Variants in ITGA1 observed in about 807,000 individuals in gnomAD.
ITGA1 encodes the protein integrin alpha-1.
A neutral mutation model predicts 145.9 loss-of-function variants in ITGA1; 85 were observed. The ratio of observed to expected loss-of-function variants is 0.58; its 90% CI spans 0.49 to 0.70. The LOEUF (loss-of-function observed/expected upper bound fraction) is 0.70. ITGA1 is among the 30% of genes least tolerant of loss of function. ITGA1 has a pLI of 0.00. For missense variants in ITGA1, 1,351 were observed against 1,418.7 expected, an observed-to-expected ratio of 0.95 and a Z score of 0.77; for synonymous variants, 520 against 495.3, an observed-to-expected ratio of 1.05 and a Z score of -0.66.
At chr5:52,853,413 T>C (rs1302127602) in intron 2 of ITGA1, among the ~76,000 whole-genome samples, 1 of 152,192 alleles carries the variant, frequency 6.6e-6, no homozygotes, top group African/African-American at 2.4e-5. Context: ...TGGATTTTGT[T>C]ATTTAATTAT....
intron 6 of ITGA1, among the ~76,000 whole-genome samples, chr5:52,870,459 G>A (rs1353790958): frequency 3.3e-5 from 5 of 152,112 alleles, no homozygotes; most frequent in African/African-American, 9.7e-5. Flanking sequence ...TGTAAGATTT[G>A]TAGAGAGGAT....
intron 27 of ITGA1, among the ~76,000 whole-genome samples, 156 bp downstream of exon 27, chr5:52,945,191 A>T (rs753774694): frequency 6.6e-6 from 1 of 152,184 alleles, no homozygotes; most frequent in African/African-American, 2.4e-5. Context: ...CATTAGCTTC[A>T]AATGTGATTT....
chr5:52,827,996 C>T (rs1748996554), intron 1 of ITGA1, among the ~76,000 whole-genome samples: 1 of 152,278 alleles, frequency 6.6e-6, no homozygotes, highest in East Asian at 1.9e-4. Context: ...TTTTTCATAG[C>T]TGAATAATAT....
chr5:52,848,653 G>T (rs1207374372), intron 1 of ITGA1, among the ~76,000 whole-genome samples: 2 of 151,938 alleles, frequency 1.3e-5, no homozygotes, highest in Non-Finnish European at 2.9e-5. Context: ...ATGTATACAT[G>T]TGCCATGTTG....
chr5:52,945,479 C>A (rs971494783), intron 27 of ITGA1, among the ~76,000 whole-genome samples: 18 of 152,084 alleles, frequency 1.2e-4, no homozygotes, highest in African/African-American at 4.3e-4. Context: ...TTTCAAATTT[C>A]ATTGAGAAAT....
intron 1 of ITGA1, among the ~76,000 whole-genome samples, chr5:52,822,187 C>T (rs1187798926): frequency 6.6e-6 from 1 of 152,096 alleles, no homozygotes; most frequent in Non-Finnish European, 1.5e-5. Flanking sequence ...TATGTCAATC[C>T]TTGAACAATA....
chr5:52,889,108 A>ATT (rs71614392), intron 8 of ITGA1, among the ~76,000 whole-genome samples: 2,256 of 110,996 alleles, frequency 0.02, 59 homozygotes, highest in African/African-American at 0.062. Flanking sequence ...ACTACTATCC[A>ATT]TTTTTTTTTT....
At chr5:52,868,551 C>A (rs1422541061) in intron 6 of ITGA1, among the ~76,000 whole-genome samples, 2 of 152,126 alleles carry the variant, frequency 1.3e-5, no homozygotes, top group Non-Finnish European at 2.9e-5. Flanking sequence ...TTCTAGCCTG[C>A]CAGAGTGGGC....
intron 26 of ITGA1, among the ~76,000 whole-genome samples, chr5:52,940,619 C>A (rs1030362066): frequency 6.6e-6 from 1 of 151,812 alleles, no homozygotes; most frequent in Admixed American, 6.6e-5. Context: ...CATTTTTAAC[C>A]CCTTATAAAG....
At chr5:52,872,451 A>G (rs2111788853) in intron 6 of ITGA1, among the ~76,000 whole-genome samples, 1 of 152,242 alleles carries the variant, frequency 6.6e-6, no homozygotes, top group African/African-American at 2.4e-5. Context: ...CAAAAAAGAA[A>G]CAAATAACTC....
Position 52,813,036 on chromosome 5 carries a change from A to C in ITGA1, c.61+24622A>C, listed in dbSNP as rs575847437. 4.3e-4 allele frequency among the ~76,000 whole-genome samples: 65 copies of C among 152,228 alleles called. No individual in the cohort carries two copies. In the South Asian group the frequency reaches 0.013, roughly 31 times the overall value. On this transcript the variant is annotated intron_variant, in intron 1 of 28. Coordinates refer to ENST00000282588, the MANE Select transcript of ITGA1 (RefSeq NM_181501.2). ...CTTTATAATATTTTTATTTCTTTAA[A>C]TTTGATGAAAGACCCACTTTTGTGA... is the stretch of plus-strand genomic sequence containing the variant.
Position 52,929,545 on chromosome 5 carries a change from T to A in ITGA1, c.2695-80T>A, listed in dbSNP as rs1011549012. The A allele has an allele frequency of 8.4e-5, 60 of 715,922 alleles. 1 individual carries two copies. The highest frequency in any genetic ancestry group is 1.3e-4 in the Admixed American group (5 of 38,518). The allele number at this position is 715,922 out of a possible 1,614,324, so 44.3% of individuals were successfully genotyped here. The stretch of plus-strand genomic sequence containing the variant: ...AATAACTTCATAATTTGAGTTTAGG[T>A]AATGTCATTTATGGAAATTGAATAT... On this transcript the variant is annotated intron_variant, in intron 20 of 28. Coordinates refer to ENST00000282588, the MANE Select transcript of ITGA1 (RefSeq NM_181501.2).
chr5:52,809,442 T>A (rs576384135), intron 1 of ITGA1, among the ~76,000 whole-genome samples: 1 of 152,000 alleles, frequency 6.6e-6, no homozygotes, highest in East Asian at 1.9e-4. Flanking sequence ...TCCATTAGTT[T>A]CTAGAGAGAT....
intron 1 of ITGA1, among the ~76,000 whole-genome samples, chr5:52,794,500 TACAC>T (rs56996823): frequency 1.5e-3 from 216 of 141,904 alleles, no homozygotes; most frequent in Middle Eastern, 3.6e-3. Context: ...CAAATAGAAA[TACAC>T]ACACACACAC....
At chr5:52,883,752 A>T (rs1166508844) in intron 7 of ITGA1, among the ~76,000 whole-genome samples, 1 of 152,124 alleles carries the variant, frequency 6.6e-6, no homozygotes, top group Non-Finnish European at 1.5e-5. Flanking sequence ...ATATATTTTA[A>T]TTTTTTAAAG....
chr5:52,920,492 T>A, intron 17 of ITGA1, 24 bp downstream of exon 17: 2 of 1,553,928 alleles, frequency 1.3e-6, no homozygotes, highest in South Asian at 2.5e-5. Context: ...ATATCGTTGC[T>A]GCCTTATTCC....
intron 14 of ITGA1, among the ~76,000 whole-genome samples, chr5:52,912,154 G>A (rs960947703): frequency 2.2e-5 from 3 of 136,606 alleles, no homozygotes; most frequent in Admixed American, 7.6e-5. Flanking sequence ...ATATAGATAT[G>A]CTATATATAG....
At chr5:52,881,742 G>T in intron 6 of ITGA1, 131 bp from the exon 7 acceptor site, 1 of 670,888 alleles carries the variant, frequency 1.5e-6, no homozygotes, top group Non-Finnish European at 2.4e-6. Context: ...TGTCAAAATA[G>T]AAGCATTTGT....
chr5:52,893,966 A>G, intron 9 of ITGA1, 126 bp downstream of exon 9: 1 of 653,934 alleles, frequency 1.5e-6, no homozygotes, highest in Non-Finnish European at 2.6e-6. Context: ...TACAATATCT[A>G]GCATGGAACA....
Sources: gnomAD v4.1 joint callset for allele counts (sites outside exome capture counted in the v4.1 genomes callset) on GRCh38, gnomAD v4.1.1 for gene constraint, MANE v1.5 for transcripts, NCBI Gene and HGNC (gene_info 2026-07-23, HGNC 2026-07-21) for gene names.